The following TPO variants were observed in gnomAD, a reference collection of about 807,000 sequenced individuals.
TPO encodes thyroid microsomal antigen.
TPO carries 78 observed loss-of-function variants against 96.9 expected under a neutral mutation model. The observed-to-expected ratio is 0.81, with a 90% CI of 0.67 to 0.97. TPO has a LOEUF of 0.97. TPO is among the 50% of genes least tolerant of loss of function. The probability of loss-of-function intolerance (pLI) is 0.00; values close to 1 mark genes in which losing one functional copy is unlikely to be tolerated. For missense variants in TPO, 1,252 were observed against 1,274.8 expected, an observed-to-expected ratio of 0.98 and a Z score of 0.27; for synonymous variants, 547 against 538.0, an observed-to-expected ratio of 1.02 and a Z score of -0.23.
chr2:1,438,411 G>T (rs11888196), intron 5 of TPO, among the ~76,000 whole-genome samples: 2 of 151,950 alleles, frequency 1.3e-5, no homozygotes, highest in Admixed American at 6.5e-5. Context: ...TTTCACCAGA[G>T]GGGTCCGTGA....
Position 1,418,437 on chromosome 2 carries a change from G to A in TPO, c.94+3935G>A, listed in dbSNP as rs1053315564. Among the ~76,000 whole-genome samples, 16 of 152,202 alleles carry A rather than the reference G, an allele frequency of 1.1e-4. No individual in the cohort carries two copies. The South Asian group carries it at 1.4e-3, about 14-fold the overall frequency. ...GCTCAGACTGGGTGGGTGCAGGAGAGACTCTTGTTCCAGAGCAGGATCCCC... is the reference window on the plus strand; with the variant it reads ...GCTCAGACTGGGTGGGTGCAGGAGAAACTCTTGTTCCAGAGCAGGATCCCC... On this transcript the variant is annotated intron_variant, in intron 2 of 16. Coordinates refer to ENST00000329066, the MANE Select transcript of TPO (RefSeq NM_001206744.2).
At chr2:1,415,871 C>T (rs1024015812) in intron 2 of TPO, among the ~76,000 whole-genome samples, 1 of 152,206 alleles carries the variant, frequency 6.6e-6, no homozygotes, top group Non-Finnish European at 1.5e-5. Flanking sequence ...CATCTCAGGA[C>T]TTCACAACCA....
chr2:1,536,641 T>TCC (rs552769137), intron 15 of TPO, among the ~76,000 whole-genome samples: 638 of 15,602 alleles, frequency 0.041, 41 homozygotes, highest in African/African-American at 0.068. Flanking sequence ...CCTCCCCAAA[T>TCC]CCCCCCCCCC....
intron 15 of TPO, among the ~76,000 whole-genome samples, chr2:1,525,355 A>G (rs1676195879): frequency 8.7e-6 from 1 of 115,500 alleles, no homozygotes; most frequent in Non-Finnish European, 1.7e-5. Context: ...AACTCCACCA[A>G]ATCTCCCCCA....
At chr2:1,507,380 T>G (rs972723412) in intron 14 of TPO, among the ~76,000 whole-genome samples, 18 of 152,178 alleles carry the variant, frequency 1.2e-4, no homozygotes, top group African/African-American at 4.3e-4. Context: ...CTTTTTTGGT[T>G]CCATATGAAC....
At chr2:1,472,672 G>T (rs1669533289) in intron 7 of TPO, among the ~76,000 whole-genome samples, 1 of 152,030 alleles carries the variant, frequency 6.6e-6, no homozygotes, top group Admixed American at 6.5e-5. Context: ...GACACTGCCA[G>T]GTTGGAAGGC....
chr2:1,425,920 G>A (rs539992984), intron 3 of TPO, among the ~76,000 whole-genome samples: 13 of 145,532 alleles, frequency 8.9e-5, no homozygotes, highest in South Asian at 4.6e-4. Flanking sequence ...TCTAGATGCC[G>A]GGATACAGAG....
At chr2:1,454,802 T>C (rs755413662) in intron 6 of TPO, among the ~76,000 whole-genome samples, 2 of 152,246 alleles carry the variant, frequency 1.3e-5, no homozygotes, top group African/African-American at 2.4e-5. Flanking sequence ...AACCCATATT[T>C]GCTCAGAATT....
intron 8 of TPO, among the ~76,000 whole-genome samples, chr2:1,483,422 A>G (rs1558342423): frequency 1.3e-5 from 2 of 152,176 alleles, no homozygotes; most frequent in Non-Finnish European, 2.9e-5. Context: ...TTTCCTTTCT[A>G]TTGTAGTGAG....
intron 9 of TPO, among the ~76,000 whole-genome samples, chr2:1,485,090 A>T (rs1298173709): frequency 1.4e-5 from 2 of 147,936 alleles, no homozygotes; most frequent in East Asian, 2.0e-4. Flanking sequence ...GGATATGATG[A>T]TCCCCGCCCT....
chr2:1,534,767 A>G (rs1679177184), intron 15 of TPO, among the ~76,000 whole-genome samples: 1 of 146,894 alleles, frequency 6.8e-6, no homozygotes, highest in Non-Finnish European at 1.5e-5. Context: ...CACTGTGTGC[A>G]ACCTCCTCAA....
intron 14 of TPO, among the ~76,000 whole-genome samples, chr2:1,505,665 T>C (rs1673368745): frequency 6.6e-6 from 1 of 152,104 alleles, no homozygotes; most frequent in South Asian, 2.1e-4. Context: ...GCAGGTTTGT[T>C]ACATAGGTAT....
chr2:1,428,515 C>T (rs1006132529), intron 3 of TPO, among the ~76,000 whole-genome samples: 9 of 152,206 alleles, frequency 5.9e-5, no homozygotes, highest in African/African-American at 2.2e-4. Context: ...CCCTCCACGT[C>T]ACTGTCAAGA....
chr2:1,483,970 C>T (rs1020284270), intron 8 of TPO, among the ~76,000 whole-genome samples: 1 of 152,146 alleles, frequency 6.6e-6, no homozygotes, highest in African/African-American at 2.4e-5. Flanking sequence ...TAGAATTATT[C>T]CTATTATGCT....
chr2:1,476,072 C>G (rs190724185), intron 7 of TPO, among the ~76,000 whole-genome samples: 2,124 of 152,366 alleles, frequency 0.014, 48 homozygotes, highest in African/African-American at 0.048. Flanking sequence ...TTCCCTAATG[C>G]AGCCCAGGTC....
chr2:1,535,618 C>A lies in TPO; in HGVS notation c.2619-4976C>A, dbSNP rs1311117154. ...CCTCCTCAAATTGCCCCGCAGTGTA[C>A]AACCTCCTCAAATCCTCCCTCGCTG... On this transcript the variant is annotated intron_variant, in intron 15 of 16. Coordinates refer to ENST00000329066, the MANE Select transcript of TPO (RefSeq NM_001206744.2). Among the ~76,000 whole-genome samples, 2 of 10,186 alleles carry A rather than the reference C, an allele frequency of 2.0e-4. 1 individual carries two copies. The highest frequency in any genetic ancestry group is 3.6e-4 in the Non-Finnish European group (2 of 5,596). The allele number at this position is 10,186 out of a possible 152,430, so 6.7% of individuals were successfully genotyped here. A position where few individuals can be genotyped will look rare whatever the true frequency, so the allele number is the denominator to read the frequency against.
intron 14 of TPO, among the ~76,000 whole-genome samples, chr2:1,508,145 T>C (rs1025944570): frequency 2.0e-5 from 3 of 152,134 alleles, no homozygotes; most frequent in African/African-American, 7.2e-5. Flanking sequence ...GAGATAATCA[T>C]GTGGTTTTTG....
intron 1 of TPO, among the ~76,000 whole-genome samples, chr2:1,397,040 C>G (rs1051037342): frequency 6.6e-6 from 1 of 152,156 alleles, no homozygotes; most frequent in Admixed American, 6.5e-5. Flanking sequence ...TACTCACTTG[C>G]TGTTGGAACA....
At chr2:1,439,171 C>T (rs982848178) in intron 5 of TPO, 1 of 282,114 alleles carries the variant, frequency 3.5e-6, no homozygotes, top group East Asian at 6.5e-5. Context: ...CGCCTCTGCC[C>T]CAGCTGCTGG....
Sources: allele counts gnomAD v4.1 joint callset (sites outside exome capture counted in the v4.1 genomes callset), GRCh38; gene constraint gnomAD v4.1.1; transcripts MANE v1.5; gene names NCBI Gene and HGNC (gene_info 2026-07-23, HGNC 2026-07-21).